Variants in DNAH14 observed in about 807,000 individuals in gnomAD.
DNAH14 encodes axonemal beta dynein heavy chain 14.
Under a neutral mutation model 520.9 loss-of-function variants are expected in DNAH14, and 478 were observed. The ratio of observed to expected loss-of-function variants is 0.92; its 90% confidence interval spans 0.85 to 0.99. The LOEUF (loss-of-function observed/expected upper bound fraction) is 0.99, where lower values mean the gene tolerates loss of function less well. DNAH14 is among the 50% of genes least tolerant of loss of function. The pLI is 0.00. For missense variants in DNAH14, 4,831 were observed against 5,234.5 expected (o/e 0.92, Z 2.38); for synonymous variants, 1,581 against 1,757.2 (o/e 0.90, Z 2.51).
At chr1:225,164,175 AGTT>A (rs569169444) in intron 35 of DNAH14, among the ~76,000 whole-genome samples, 75 of 152,058 alleles carry the variant, frequency 4.9e-4, no homozygotes, top group African/African-American at 1.6e-3. Flanking sequence ...CACATCTGTC[AGTT>A]GTTGTTGTTG....
chr1:225,290,694 T>TATATATATATATATATA (rs1574554023), intron 55 of DNAH14, among the ~76,000 whole-genome samples: 1 of 119,122 alleles, frequency 8.4e-6, no homozygotes, highest in Non-Finnish European at 1.8e-5. Context: ...TATATATATA[T>TATATATATATATATATA]TTCCTCCAAG....
At position 225,274,205 on chromosome 1, in the gene DNAH14, T is replaced by A. The variant is rs974344356; in HGVS notation, c.8010+1080T>A. Among the ~76,000 whole-genome samples the A allele has an allele frequency of 5.9e-5, 7 of 118,910 alleles. 1 individual carries two copies. Among genetic ancestry groups the A allele is most frequent in the Admixed American group, 3.1e-4 (4 of 12,724 alleles). 78.0% of individuals were successfully genotyped at this position (118,910 alleles called of 152,430 possible). A position where few individuals can be genotyped will look rare whatever the true frequency, so the allele number is the denominator to read the frequency against. On this transcript the variant is annotated intron_variant, in intron 52 of 85. Transcript: ENST00000682510. Reference sequence around the variant, plus strand: ...CCTCACCAGCATCTGTTATTTTTTTTTTTTTTTTTTTTTTTTTGAGACGGA... The same window carrying A: ...CCTCACCAGCATCTGTTATTTTTTTATTTTTTTTTTTTTTTTTGAGACGGA...
At position 225,080,608 on chromosome 1, in the gene DNAH14, G is replaced by C; in HGVS notation, c.2996G>C (p.Arg999Thr). The change falls in exon 19 of 86, where the codon AGG becomes ACG. Residue 999 changes from arginine (R) to threonine (T), a missense_variant. Transcript: ENST00000682510. ...GACATTGAAGGTGACTTGACTTTGA[G>C]GAAAAAACTATGGGAAGCACAAGAG... ...ISDIEGDLTL[R>T]KKLWEAQEEW... 6.4e-7 allele frequency: 1 copy of C among 1,552,092 alleles called. No individual in the cohort carries two copies. Among genetic ancestry groups the C allele is most frequent in the Non-Finnish European group, 8.7e-7 (1 of 1,147,080 alleles).
Position 225,364,721 on chromosome 1 carries a change from T to C in DNAH14, c.11988-71T>C, listed in dbSNP as rs555030396. ...CGTAAGGCCACTTCAAACAGTGAAATGCTATGATTCTAAAAACATGTTGGT... is the reference window on the plus strand; with the variant it reads ...CGTAAGGCCACTTCAAACAGTGAAACGCTATGATTCTAAAAACATGTTGGT... On this transcript the variant is annotated intron_variant, in intron 75 of 85. Coordinates refer to ENST00000682510, the MANE Select transcript of DNAH14 (RefSeq NM_001367479.1). 13 of 1,125,944 alleles carry C rather than the reference T, an allele frequency of 1.2e-5. No individual in the cohort carries two copies. The East Asian group carries it at 3.2e-4, about 28-fold the overall frequency. 69.7% of individuals were successfully genotyped at this position (1,125,944 alleles called of 1,614,324 possible). A position where few individuals can be genotyped will look rare whatever the true frequency, so the allele number is the denominator to read the frequency against.
At chr1:225,226,444 T>C (rs572792196) in intron 41 of DNAH14, among the ~76,000 whole-genome samples, 8 of 152,298 alleles carry the variant, frequency 5.3e-5, no homozygotes, top group African/African-American at 1.9e-4. Context: ...CAGGCAACAC[T>C]ACCAATGCCA....
At chr1:225,313,174 A>G (rs1574697812) in intron 60 of DNAH14, among the ~76,000 whole-genome samples, 1 of 152,016 alleles carries the variant, frequency 6.6e-6, no homozygotes, top group African/African-American at 2.4e-5. Flanking sequence ...TAGTCTTGGG[A>G]GGGTGTATGT....
At chr1:225,147,984 A>C (rs1294135985) in intron 31 of DNAH14, among the ~76,000 whole-genome samples, 1 of 152,134 alleles carries the variant, frequency 6.6e-6, no homozygotes, top group African/African-American at 2.4e-5. Context: ...TTATGGCTGC[A>C]TAGTATTCCA....
At chr1:225,125,098 GA>G (rs1429598881) in intron 27 of DNAH14, among the ~76,000 whole-genome samples, 4 of 152,182 alleles carry the variant, frequency 2.6e-5, no homozygotes, top group Admixed American at 6.5e-5. Context: ...AAACCATGCT[GA>G]AAACAGATGT....
intron 49 of DNAH14, among the ~76,000 whole-genome samples, chr1:225,269,006 AG>A (rs1413365624): frequency 6.6e-6 from 1 of 152,346 alleles, no homozygotes; most frequent in Non-Finnish European, 1.5e-5. Flanking sequence ...ACCAAAAAAG[AG>A]CCTGCATTGC....
intron 41 of DNAH14, among the ~76,000 whole-genome samples, chr1:225,210,769 T>C (rs1225263615): frequency 1.3e-5 from 2 of 152,158 alleles, no homozygotes; most frequent in Non-Finnish European, 2.9e-5. Context: ...TGGCATCTGG[T>C]GGGTGCCCCT....
chr1:225,389,603 A>G lies in DNAH14; in HGVS notation c.13191-131A>G, dbSNP rs949378406. ...TAGCTGGCTTCCATTCAAGGGCCTGATAAGAGTCCTGCATTGGGGGAATCG... is the reference window on the plus strand; with the variant it reads ...TAGCTGGCTTCCATTCAAGGGCCTGGTAAGAGTCCTGCATTGGGGGAATCG... On this transcript the variant is annotated intron_variant, in intron 82 of 85. Coordinates refer to ENST00000682510, the MANE Select transcript of DNAH14 (RefSeq NM_001367479.1). 7.7e-6 allele frequency: 8 copies of G among 1,044,400 alleles called. No homozygotes were observed. In the African/African-American group the frequency reaches 9.7e-5, roughly 13 times the overall value. 64.7% of individuals were successfully genotyped at this position (1,044,400 alleles called of 1,614,324 possible).
At chr1:224,929,657 G>C, upstream of DNAH14, 1 of 702,448 alleles carries the variant, frequency 1.4e-6, no homozygotes, top group South Asian at 1.5e-5. Context: ...CTTCGCCAGG[G>C]CGCAGGCGTG....
intron 1 of DNAH14, among the ~76,000 whole-genome samples, chr1:224,931,636 T>C (rs567670929): frequency 6.6e-6 from 1 of 152,326 alleles, no homozygotes; most frequent in Non-Finnish European, 1.5e-5. Flanking sequence ...TACCTCCATA[T>C]AGTATTCAAA....
chr1:225,214,141 C>A (rs1260198588), intron 41 of DNAH14, among the ~76,000 whole-genome samples: 1 of 151,990 alleles, frequency 6.6e-6, no homozygotes, highest in African/African-American at 2.4e-5. Context: ...TTTTCGAAGG[C>A]CTTTTCTGTA....
chr1:224,948,933 T>C (rs2060005786), intron 1 of DNAH14, among the ~76,000 whole-genome samples: 1 of 152,226 alleles, frequency 6.6e-6, no homozygotes, highest in African/African-American at 2.4e-5. Flanking sequence ...TATTGTTTTA[T>C]GCAGTGTTTG....
intron 8 of DNAH14, among the ~76,000 whole-genome samples, chr1:224,987,720 G>T (rs899942705): frequency 1.3e-5 from 2 of 152,060 alleles, no homozygotes; most frequent in African/African-American, 4.8e-5. Flanking sequence ...TCTGCCTCCC[G>T]GGTTCAAGTG....
intron 59 of DNAH14, 119 bp downstream of exon 59, chr1:225,307,688 A>G: frequency 4.4e-6 from 3 of 681,078 alleles, no homozygotes; most frequent in Non-Finnish European, 6.8e-6. Flanking sequence ...GTTACCCTAT[A>G]GTTGTGTACA....
chr1:225,349,891 A>G (rs1034900205), intron 71 of DNAH14, among the ~76,000 whole-genome samples: 1 of 152,184 alleles, frequency 6.6e-6, no homozygotes, highest in African/African-American at 2.4e-5. Context: ...GAATAAAACA[A>G]TGAAACAGAA....
chr1:225,007,238 TTTAG>T (rs1303661502), intron 9 of DNAH14, among the ~76,000 whole-genome samples, 171 bp from the exon 10 acceptor site: 7 of 152,340 alleles, frequency 4.6e-5, no homozygotes, highest in African/African-American at 9.6e-5. Flanking sequence ...TTAATCAAGA[TTTAG>T]TTAGATTTAA....
Sources: allele counts gnomAD v4.1 joint callset (sites outside exome capture counted in the v4.1 genomes callset), GRCh38; gene constraint gnomAD v4.1.1; transcripts MANE v1.5; gene names NCBI Gene and HGNC (gene_info 2026-07-23, HGNC 2026-07-21).